The following RPS24 variants were observed in gnomAD, a reference collection of about 807,000 sequenced individuals.
RPS24 encodes ribosomal protein S24, also known as small ribosomal subunit protein eS24.
For synonymous variants in RPS24, 72 were observed against 55.6 expected (o/e 1.30, Z -1.31); for missense variants, 100 against 162.5 (o/e 0.62, Z 2.09).
chr10:78,053,270 G>T (rs1848118505), intron 4 of RPS24, among the ~76,000 whole-genome samples: 1 of 152,190 alleles, frequency 6.6e-6, no homozygotes, highest in African/African-American at 2.4e-5. Flanking sequence ...CCTGTTGCTG[G>T]TGGTACACAA....
intron 3 of RPS24, 67 bp from the exon 4 acceptor site, chr10:78,037,112 ACTGGGTCAGTTTCCC>A (rs1420392172): frequency 6.6e-7 from 1 of 1,522,334 alleles, no homozygotes; most frequent in Non-Finnish European, 8.9e-7. Flanking sequence ...TTAAGCTCAG[ACTGGGTCAGTTTCCC>A]TACCAGAGTG....
chr10:78,042,727 C>G (rs188208834), downstream of RPS24, among the ~76,000 whole-genome samples: 8 of 152,272 alleles, frequency 5.3e-5, no homozygotes, highest in African/African-American at 1.4e-4. Context: ...TGATGAGAAA[C>G]TCAGCTAGAG....
At chr10:78,035,471 T>G in intron 2 of RPS24, 40 bp from the exon 3 acceptor site, 1 of 1,611,908 alleles carries the variant, frequency 6.2e-7, no homozygotes, top group South Asian at 1.1e-5. Context: ...TAAAGATGTA[T>G]TTTATCATAC....
chr10:78,052,015 T>A lies in RPS24; in HGVS notation c.391-2516T>A, dbSNP rs186450877. ...TCCTATTCTGTGGATTGTCCATTTT[T>A]AAAATTTATTTATTTATTTATTTAT... On this transcript the variant is annotated intron_variant, in intron 4 of 4. Coordinates refer to the RPS24 transcript ENST00000440692. Among the ~76,000 whole-genome samples, 565 of 150,020 alleles carry A rather than the reference T, an allele frequency of 3.8e-3. 5 individuals carry two copies. Among genetic ancestry groups the A allele is most frequent in the African/African-American group, 0.013 (550 of 41,412 alleles).
At chr10:78,051,952 C>A (rs908877220) in intron 4 of RPS24, among the ~76,000 whole-genome samples, 14 of 152,200 alleles carry the variant, frequency 9.2e-5, no homozygotes, top group Non-Finnish European at 1.8e-4. Flanking sequence ...ATCCTGGATG[C>A]AAATCTCTTA....
At chr10:78,055,676 G>A (rs921422212) in exon 5 of RPS24, 1 of 152,220 alleles carries the variant, frequency 6.6e-6, no homozygotes, top group Non-Finnish European at 1.5e-5. Flanking sequence ...CTTAGTGCAT[G>A]TGGGGAAACT....
In RPS24 at chr10:78,035,543, A is replaced by T; in HGVS notation, c.102A>T (p.Thr34=). Residue 34 remains threonine (T), a synonymous_variant, in exon 3 of 6, where the codon ACA becomes ACT. Transcript: ENST00000372360. ...ATGTCCTTCACCCCGGGAAGGCGAC[A>T]GTGCCTAAGACAGAAATTCGGGAAA... is the stretch of plus-strand genomic sequence containing the variant. The part of the protein sequence containing the change: ...VIDVLHPGKA[T]VPKTEIREKL... The T allele has an allele frequency of 1.2e-6, 2 of 1,614,216 alleles. No homozygotes were observed. The highest frequency in any genetic ancestry group is 1.7e-6 in the Non-Finnish European group (2 of 1,180,032).
downstream of RPS24, among the ~76,000 whole-genome samples, chr10:78,044,852 C>A (rs141868304): frequency 6.0e-3 from 914 of 151,442 alleles, 10 homozygotes; most frequent in African/African-American, 0.021. Flanking sequence ...AGATGTTCTG[C>A]AGTGGATTGT....
At chr10:78,040,962 G>A (rs1847978931), downstream of RPS24, among the ~76,000 whole-genome samples, 1 of 152,124 alleles carries the variant, frequency 6.6e-6, no homozygotes, top group African/African-American at 2.4e-5. Context: ...GGGAGGTTTG[G>A]GTGGGATGAT....
intron 4 of RPS24, chr10:78,054,478 G>A (rs1848130679): frequency 1.4e-6 from 2 of 1,462,642 alleles, no homozygotes; most frequent in South Asian, 1.4e-5. Flanking sequence ...CAGGGCGGCT[G>A]GAAGGCACCT....
In RPS24 at chr10:78,040,631, G is replaced by T. The variant is rs1847972530; in HGVS notation, c.*36G>T. The T allele has an allele frequency of 2.5e-6, 4 of 1,613,964 alleles. No individual in the cohort carries two copies. In the East Asian group the frequency reaches 8.9e-5, roughly 36 times the overall value. On this transcript the variant is annotated 3_prime_UTR_variant, in exon 6 of 6. Coordinates refer to ENST00000372360, the MANE Select transcript of RPS24 (RefSeq NM_033022.4). ...GATTCACAGCCGAAGGAGTAAAGGTGCTGCAATGATGTTAGCTGTGGCCAC... is the reference window on the plus strand; with the variant it reads ...GATTCACAGCCGAAGGAGTAAAGGTTCTGCAATGATGTTAGCTGTGGCCAC...
At chr10:78,052,743 A>G (rs1189863230) in intron 4 of RPS24, among the ~76,000 whole-genome samples, 1 of 152,124 alleles carries the variant, frequency 6.6e-6, no homozygotes, top group Non-Finnish European at 1.5e-5. Flanking sequence ...ATGAGGAGAG[A>G]GAGACGTACC....
chr10:78,043,102 C>G (rs1320274992), downstream of RPS24, among the ~76,000 whole-genome samples: 1 of 152,146 alleles, frequency 6.6e-6, no homozygotes, highest in Non-Finnish European at 1.5e-5. Flanking sequence ...CTCACGGGTT[C>G]ACGCCATTCT....
chr10:78,038,582 G>A (rs1273705813), intron 4 of RPS24: 2 of 147,720 alleles, frequency 1.4e-5, no homozygotes, highest in African/African-American at 5.0e-5. Flanking sequence ...AGGTAATTAT[G>A]TATTCATATA....
At chr10:78,051,223 A>C (rs7067839) in intron 4 of RPS24, among the ~76,000 whole-genome samples, 3 of 152,166 alleles carry the variant, frequency 2.0e-5, no homozygotes, top group Non-Finnish European at 4.4e-5. Flanking sequence ...CCCTGTAGAC[A>C]TTAGCAGTCT....
At chr10:78,036,421 T>A (rs933997158) in intron 3 of RPS24, 1 of 154,316 alleles carries the variant, frequency 6.5e-6, no homozygotes, top group African/African-American at 2.4e-5. Flanking sequence ...CTCTTCTGCC[T>A]GAGCTTCCTG....
chr10:78,041,691 C>CAAGGT (rs1847987557), downstream of RPS24, among the ~76,000 whole-genome samples: 1 of 151,948 alleles, frequency 6.6e-6, no homozygotes, highest in Non-Finnish European at 1.5e-5. Flanking sequence ...CTTGCAGAGG[C>CAAGGT]AAGGTGGTGA....
intron 4 of RPS24, among the ~76,000 whole-genome samples, chr10:78,053,163 A>G (rs1033704456): frequency 4.9e-5 from 7 of 143,634 alleles, no homozygotes; most frequent in African/African-American, 1.5e-4. Context: ...CAAAAAAACA[A>G]ACAAAAACAA....
intron 4 of RPS24, among the ~76,000 whole-genome samples, chr10:78,049,463 G>C (rs547482735): frequency 6.6e-6 from 1 of 152,188 alleles, no homozygotes; most frequent in African/African-American, 2.4e-5. Context: ...GAACAGTGAG[G>C]TTGCTTATTA....
Sources: allele counts gnomAD v4.1 joint callset (sites outside exome capture counted in the v4.1 genomes callset), GRCh38; gene constraint gnomAD v4.1.1; transcripts MANE v1.5; gene names NCBI Gene and HGNC (gene_info 2026-07-23, HGNC 2026-07-21).